NCOA1: variants seen among roughly 807,000 people sequenced by gnomAD.
The protein encoded by NCOA1 is Hin-2 protein.
NCOA1 carries 35 observed loss-of-function variants against 150.9 expected under a neutral mutation model. That is an observed-to-expected ratio of 0.23 (90% CI 0.18 to 0.31). NCOA1 has a LOEUF of 0.31. Among genes scored for constraint, NCOA1 ranks in the 10% least tolerant of loss-of-function variants. The pLI, the probability that NCOA1 is intolerant of heterozygous loss-of-function variation, is 1.00. For synonymous variants in NCOA1, 590 were observed against 630.0 expected, an observed-to-expected ratio of 0.94 and a Z score of 0.95; for missense variants, 1,491 against 1,749.3, an observed-to-expected ratio of 0.85 and a Z score of 2.63.
chr2:24,737,861 A>G (rs994641664), intron 17 of NCOA1, among the ~76,000 whole-genome samples: 1 of 152,224 alleles, frequency 6.6e-6, no homozygotes, highest in African/African-American at 2.4e-5. Flanking sequence ...AACTTTATAC[A>G]GTATCTTGAA....
intron 3 of NCOA1, among the ~76,000 whole-genome samples, chr2:24,585,043 G>C (rs1667343688): frequency 6.6e-6 from 1 of 152,026 alleles, no homozygotes. Context: ...CTTTTTTTAA[G>C]GTTCTTTCTT....
chr2:24,760,306 ATTTT>A (rs70947842), intron 21 of NCOA1, among the ~76,000 whole-genome samples: 32 of 99,732 alleles, frequency 3.2e-4, no homozygotes, highest in Admixed American at 2.0e-3. Flanking sequence ...TGCCCGGCTA[ATTTT>A]TTTTTTTTTT....
At position 24,768,347 on chromosome 2, in the gene NCOA1, C is replaced by A. The variant is rs1350572070; in HGVS notation, c.4282C>A (p.Gln1428Lys). Residue 1428 changes from glutamine (Q) to lysine (K), a missense_variant, in exon 23 of 23, where the codon CAG becomes AAG. Coordinates refer to ENST00000348332, the MANE Select transcript of NCOA1 (RefSeq NM_003743.5). ...QKPTSGPQTPQAQQKSLLQQL... is the reference protein window; with the variant it reads ...QKPTSGPQTPKAQQKSLLQQL... The stretch of plus-strand genomic sequence containing the variant: ...GCCCACGTCAGGACCACAGACCCCC[C>A]AGGCCCAGCAGAAGAGCCTCCTTCA... 6.2e-7 allele frequency: 1 copy of A among 1,613,350 alleles called. No homozygotes were observed. The highest frequency in any genetic ancestry group is 8.5e-7 in the Non-Finnish European group (1 of 1,179,630).
At chr2:24,520,551 A>G (rs990301153) in intron 1 of NCOA1, among the ~76,000 whole-genome samples, 4 of 152,222 alleles carry the variant, frequency 2.6e-5, no homozygotes, top group African/African-American at 7.2e-5. Context: ...ATCTTAATCA[A>G]TAGTGAAAGA....
In NCOA1 at chr2:24,584,843, C is replaced by T. The variant is rs546171085; in HGVS notation, c.-175+283C>T. ...GACCATTGGGCAACCCTGTGCTTTG[C>T]AGTATTTCAGACGTTTTTACAGGCT... On this transcript the variant is annotated intron_variant, in intron 3 of 22. Coordinates refer to ENST00000348332, the MANE Select transcript of NCOA1 (RefSeq NM_003743.5). Among the ~76,000 whole-genome samples, 165 of 152,250 alleles carry T rather than the reference C, an allele frequency of 1.1e-3. 1 individual carries two copies. The highest frequency in any genetic ancestry group is 1.7e-3 in the Non-Finnish European group (113 of 68,004).
intron 3 of NCOA1, among the ~76,000 whole-genome samples, chr2:24,627,376 T>C: frequency 6.6e-6 from 1 of 152,122 alleles, no homozygotes; most frequent in East Asian, 1.9e-4. Flanking sequence ...TAAAAATAAA[T>C]CTAAATACTT....
At chr2:24,681,505 A>T (rs952143238) in intron 7 of NCOA1, among the ~76,000 whole-genome samples, 1 of 152,236 alleles carries the variant, frequency 6.6e-6, no homozygotes, top group African/African-American at 2.4e-5. Flanking sequence ...CATTTTCAGT[A>T]TCACGTCATT....
intron 2 of NCOA1, among the ~76,000 whole-genome samples, chr2:24,569,463 A>G (rs1053466949): frequency 1.3e-5 from 2 of 151,462 alleles, no homozygotes; most frequent in African/African-American, 2.4e-5. Flanking sequence ...AGGATGAAAT[A>G]TGAGGATTTT....
At chr2:24,559,365 T>C (rs563844853) in intron 1 of NCOA1, among the ~76,000 whole-genome samples, 6 of 152,200 alleles carry the variant, frequency 3.9e-5, no homozygotes, top group Non-Finnish European at 8.8e-5. Context: ...GTTTAGAGAA[T>C]GGCATGTCGC....
At chr2:24,593,928 T>A (rs1199971544) in intron 3 of NCOA1, among the ~76,000 whole-genome samples, 1 of 152,184 alleles carries the variant, frequency 6.6e-6, no homozygotes, top group Non-Finnish European at 1.5e-5. Flanking sequence ...CTACTGATTA[T>A]CTTTGCAATT....
intron 4 of NCOA1, among the ~76,000 whole-genome samples, chr2:24,653,064 C>G (rs1236153208): frequency 6.6e-6 from 1 of 152,178 alleles, no homozygotes; most frequent in Non-Finnish European, 1.5e-5. Flanking sequence ...AGTAGGCCAG[C>G]CTGTCTGGCT....
rs67632791 is a variant in NCOA1, at chr2:24,639,916, GTATATA to G, written c.-174-4000_-174-3995del. Among the ~76,000 whole-genome samples, 237 of 29,616 alleles carry G rather than the reference GTATATA, an allele frequency of 8.0e-3. 11 individuals carry two copies. Among genetic ancestry groups the G allele is most frequent in the South Asian group, 0.021 (13 of 630 alleles). 19.4% of individuals were successfully genotyped at this position (29,616 alleles called of 152,430 possible). A position where few individuals can be genotyped will look rare whatever the true frequency, so the allele number is the denominator to read the frequency against. On this transcript the variant is annotated intron_variant, in intron 3 of 22. Coordinates refer to ENST00000348332, the MANE Select transcript of NCOA1 (RefSeq NM_003743.5). Reference sequence around the variant, plus strand: ...AAAAAAAAAAAAAGTATGTGTGTGTGTATATATATATATATATATATATATATATAT... The same window carrying G: ...AAAAAAAAAAAAAGTATGTGTGTGTGTATATATATATATATATATATATAT...
chr2:24,708,916 A>T (rs1673596442), intron 13 of NCOA1, among the ~76,000 whole-genome samples: 1 of 152,072 alleles, frequency 6.6e-6, no homozygotes, highest in Admixed American at 6.6e-5. Flanking sequence ...CTGAACTTCT[A>T]CTCATCCTTC....
At chr2:24,596,611 A>G (rs978855407) in intron 3 of NCOA1, among the ~76,000 whole-genome samples, 1 of 152,182 alleles carries the variant, frequency 6.6e-6, no homozygotes, top group African/African-American at 2.4e-5. Flanking sequence ...TATGTTTCAC[A>G]TTGTAAACCT....
At position 24,726,710 on chromosome 2, in the gene NCOA1, A is replaced by G; in HGVS notation, c.2717+4A>G. On this transcript the variant is annotated splice_donor_region_variant and intron_variant, in intron 15 of 22. Coordinates refer to ENST00000348332, the MANE Select transcript of NCOA1 (RefSeq NM_003743.5). Reference sequence around the variant, plus strand: ...TAAATCAGAGTAAATCAGAAGAGTAAGTAATACATTTTGTATTTTATAAGG... The same window carrying G: ...TAAATCAGAGTAAATCAGAAGAGTAGGTAATACATTTTGTATTTTATAAGG... The G allele has an allele frequency of 6.4e-7, 1 of 1,565,752 alleles. No homozygotes were observed. The highest frequency in any genetic ancestry group is 8.7e-7 in the Non-Finnish European group (1 of 1,148,004).
chr2:24,620,278 T>C (rs1336531920), intron 3 of NCOA1, among the ~76,000 whole-genome samples: 5 of 152,212 alleles, frequency 3.3e-5, no homozygotes, highest in African/African-American at 1.2e-4. Context: ...GTTCAGCTTT[T>C]ACAGCAAACC....
rs13399104 is a variant in NCOA1, at chr2:24,731,664, A to G, written c.3201+1849A>G. Reference sequence around the variant, plus strand: ...AATAAAGGATTCAAAGAAGAATTAAAGGAAGAGAGAGGAAAAGAGAAAGAG... The same window carrying G: ...AATAAAGGATTCAAAGAAGAATTAAGGGAAGAGAGAGGAAAAGAGAAAGAG... On this transcript the variant is annotated intron_variant, in intron 17 of 22. Coordinates refer to ENST00000348332, the MANE Select transcript of NCOA1 (RefSeq NM_003743.5). Among the ~76,000 whole-genome samples, 874 of 152,242 alleles carry G rather than the reference A, an allele frequency of 5.7e-3. 12 individuals are homozygous for G. The highest frequency in any genetic ancestry group is 0.02 in the African/African-American group (818 of 41,522).
chr2:24,722,307 T>A (rs1674393300), intron 14 of NCOA1, among the ~76,000 whole-genome samples: 1 of 152,192 alleles, frequency 6.6e-6, no homozygotes, highest in South Asian at 2.1e-4. Context: ...GCTTTTTCAA[T>A]GGAGATAGCT....
At chr2:24,762,588 C>A in intron 21 of NCOA1, 99 bp from the exon 22 acceptor site, 1 of 1,014,170 alleles carries the variant, frequency 9.9e-7, no homozygotes, top group Non-Finnish European at 1.5e-6. Flanking sequence ...TGCTGTGCTC[C>A]TATTACTTTT....
Sources: gnomAD v4.1 joint callset for allele counts (sites outside exome capture counted in the v4.1 genomes callset) on GRCh38, gnomAD v4.1.1 for gene constraint, MANE v1.5 for transcripts, NCBI Gene and HGNC (gene_info 2026-07-23, HGNC 2026-07-21) for gene names.